Variants in SCUBE1 observed in about 807,000 individuals in gnomAD.
SCUBE1 encodes signal peptide, CUB and EGF-like domain-containing protein 1.
A neutral mutation model predicts 124.4 loss-of-function variants in SCUBE1; 59 were observed. The observed-to-expected ratio is 0.47, with a 90% CI of 0.38 to 0.59. The LOEUF (loss-of-function observed/expected upper bound fraction) is 0.59, where lower values mean the gene tolerates loss of function less well. Ranked by LOEUF, SCUBE1 falls within the 20% of genes least tolerant of loss-of-function variation. SCUBE1 has a pLI of 0.00. For synonymous variants in SCUBE1, 545 were observed against 550.9 expected, an observed-to-expected ratio of 0.99 and a Z score of 0.15; for missense variants, 1,150 against 1,371.2, an observed-to-expected ratio of 0.84 and a Z score of 2.55.
At chr22:43,219,374 G>A (rs1454162428) in intron 14 of SCUBE1, among the ~76,000 whole-genome samples, 4 of 152,256 alleles carry the variant, frequency 2.6e-5, no homozygotes, top group African/African-American at 4.8e-5. Context: ...TGCTGCTGCC[G>A]TGTTCTCGGA....
chr22:43,197,435 T>C lies in SCUBE1; in HGVS notation c.*6562A>G, dbSNP rs1180322353. The stretch of plus-strand genomic sequence containing the variant: ...TATTTGCCACTTGCAGGCAGAGTCG[T>C]TGCCAAGCGTCTGGACAATACAGTG... On this transcript the variant is annotated 3_prime_UTR_variant, in exon 22 of 22. Coordinates refer to ENST00000360835, the MANE Select transcript of SCUBE1 (RefSeq NM_173050.5). The C allele has an allele frequency of 1.3e-5, 2 of 152,264 alleles. No homozygotes were observed. The highest frequency in any genetic ancestry group is 2.4e-5 in the African/African-American group (1 of 41,468). 9.4% of individuals were successfully genotyped at this position (152,264 alleles called of 1,614,324 possible).
intron 6 of SCUBE1, among the ~76,000 whole-genome samples, chr22:43,247,425 T>A (rs1470478924): frequency 2.0e-5 from 3 of 152,204 alleles, no homozygotes; most frequent in Admixed American, 1.3e-4. Flanking sequence ...TGTGCTTGAC[T>A]GGAGTGAAGC....
chr22:43,223,780 G>A (rs1245802622), intron 10 of SCUBE1, among the ~76,000 whole-genome samples: 4 of 152,212 alleles, frequency 2.6e-5, no homozygotes, highest in African/African-American at 4.8e-5. Flanking sequence ...CTAATTGGTC[G>A]GTGACAACCG....
At chr22:43,303,546 C>T (rs1289075056) in intron 3 of SCUBE1, among the ~76,000 whole-genome samples, 1 of 152,232 alleles carries the variant, frequency 6.6e-6, no homozygotes, top group Non-Finnish European at 1.5e-5. Flanking sequence ...AAGGCAGTGG[C>T]AGAGGGCTGG....
chr22:43,230,549 G>A (rs1922510498), intron 8 of SCUBE1, among the ~76,000 whole-genome samples: 1 of 152,194 alleles, frequency 6.6e-6, no homozygotes, highest in South Asian at 2.1e-4. Flanking sequence ...GGGATGCAAG[G>A]TCAAGGGCTC....
chr22:43,301,462 C>T (rs1925769137), intron 3 of SCUBE1, among the ~76,000 whole-genome samples: 1 of 152,186 alleles, frequency 6.6e-6, no homozygotes, highest in Non-Finnish European at 1.5e-5. Context: ...CCCAGCTGTC[C>T]TGTTCCCATC....
intron 19 of SCUBE1, among the ~76,000 whole-genome samples, chr22:43,209,350 G>A (rs1296859938): frequency 6.6e-6 from 1 of 152,190 alleles, no homozygotes; most frequent in Non-Finnish European, 1.5e-5. Flanking sequence ...CCCACAGCCC[G>A]ACAGCAGCGA....
rs1694287851 is a variant in SCUBE1, at chr22:43,258,842, T to TC, written c.611-508dup. Among the ~76,000 whole-genome samples the TC allele has an allele frequency of 6.6e-6, 1 of 151,768 alleles. No individual in the cohort carries two copies. Among genetic ancestry groups the TC allele is most frequent in the Non-Finnish European group, 1.5e-5 (1 of 67,952 alleles). Reference sequence around the variant, plus strand: ...GGGTGTGTGGATGTCTCCACGGAGGTCCCCCCTCAGAGTCCCAGGGGCCAC... The same window carrying TC: ...GGGTGTGTGGATGTCTCCACGGAGGTCCCCCCCTCAGAGTCCCAGGGGCCAC... On this transcript the variant is annotated intron_variant, in intron 5 of 21. Transcript: ENST00000360835. The surrounding 1 kb of genome is among the most constrained non-coding windows in gnomAD (Gnocchi z 5.0).
intron 1 of SCUBE1, among the ~76,000 whole-genome samples, chr22:43,340,315 T>C (rs985183173): frequency 6.6e-6 from 1 of 152,136 alleles, no homozygotes; most frequent in Non-Finnish European, 1.5e-5. Flanking sequence ...TCCCAACTTA[T>C]AAATGCAAGT....
intron 2 of SCUBE1, among the ~76,000 whole-genome samples, chr22:43,335,146 G>A (rs1927022519): frequency 6.6e-6 from 1 of 152,134 alleles, no homozygotes; most frequent in African/African-American, 2.4e-5. Context: ...GTAAACCAAG[G>A]ATGTGAACAT....
At chr22:43,303,129 T>G (rs895491905) in intron 3 of SCUBE1, among the ~76,000 whole-genome samples, 2 of 152,248 alleles carry the variant, frequency 1.3e-5, no homozygotes, top group African/African-American at 4.8e-5. Context: ...AATTCTAACC[T>G]TCAGGGACTA....
At chr22:43,306,423 C>T (rs954274197) in intron 3 of SCUBE1, among the ~76,000 whole-genome samples, 1 of 152,158 alleles carries the variant, frequency 6.6e-6, no homozygotes, top group African/African-American at 2.4e-5. Context: ...ACTCGGTATT[C>T]TCTGCTCTGA....
At position 43,238,946 on chromosome 22, in the gene SCUBE1, C is replaced by T. The variant is rs750810273; in HGVS notation, c.736G>A (p.Ala246Thr). 1.6e-5 allele frequency: 26 copies of T among 1,611,326 alleles called. No individual in the cohort carries two copies. The highest frequency in any genetic ancestry group is 1.5e-4 in the Admixed American group (9 of 60,000). ...CGGTCGCAGCCTCCGTTATTGACTG[C>T]GCACGTCTCTGGGGAGGGAAAGAGA... ...SDGRTCIETC[A>T]VNNGGCDRTC... is the part of the protein sequence containing the mutation. The change falls in exon 7 of 22, where the codon GCA becomes ACA. Residue 246 changes from alanine (A) to threonine (T), a missense_variant. Ala to Thr is a moderately conservative substitution (Grantham distance 58, BLOSUM62 0). Around this residue, in one of 3 missense-constraint regions of SCUBE1, gnomAD observed 337 missense variants for 482.1 expected, o/e 0.70. Transcript: ENST00000360835.
intron 3 of SCUBE1, among the ~76,000 whole-genome samples, chr22:43,319,245 T>A (rs567958793): frequency 6.6e-6 from 1 of 152,116 alleles, no homozygotes; most frequent in African/African-American, 2.4e-5. Context: ...TATGACTGTG[T>A]CCTTATAAGA....
At chr22:43,228,533 T>C (rs1016083522) in intron 9 of SCUBE1, among the ~76,000 whole-genome samples, 1 of 152,182 alleles carries the variant, frequency 6.6e-6, no homozygotes, top group Non-Finnish European at 1.5e-5. Context: ...GCAGCCTGCA[T>C]GGTGGGATGG....
intron 7 of SCUBE1, among the ~76,000 whole-genome samples, chr22:43,235,765 G>A (rs1426335349): frequency 2.0e-5 from 3 of 152,128 alleles, no homozygotes; most frequent in Admixed American, 6.5e-5. Flanking sequence ...ACTTGCCAAC[G>A]GCAAGCAGCA....
intron 21 of SCUBE1, among the ~76,000 whole-genome samples, chr22:43,205,171 G>A (rs779022351): frequency 3.3e-5 from 5 of 152,094 alleles, no homozygotes; most frequent in African/African-American, 1.2e-4. Flanking sequence ...GCCTCTTCCC[G>A]GGGCTGCGAG....
chr22:43,327,437 C>T (rs2413755), intron 2 of SCUBE1, among the ~76,000 whole-genome samples: 1 of 152,022 alleles, frequency 6.6e-6, no homozygotes, highest in African/African-American at 2.4e-5. Context: ...TGAAGACTTG[C>T]GGGGTGGTAG....
chr22:43,304,124 C>A (rs1295294180), intron 3 of SCUBE1, among the ~76,000 whole-genome samples: 1 of 152,232 alleles, frequency 6.6e-6, no homozygotes, highest in Admixed American at 6.5e-5. Context: ...GGGTCAACGA[C>A]TGTGAGCTTT....
Sources: gnomAD v4.1 joint callset for allele counts (sites outside exome capture counted in the v4.1 genomes callset) on GRCh38, gnomAD v4.1.1 for gene constraint, gnomAD v4.1.1 regional missense constraint, Gnocchi (gnomAD v3.1) non-coding constraint, MANE v1.5 for transcripts, NCBI Gene and HGNC (gene_info 2026-07-23, HGNC 2026-07-21) for gene names.